Variants in SOX5 observed in about 807,000 individuals in gnomAD.
The protein encoded by SOX5 is transcription factor SOX-5.
Under a neutral mutation model 92.0 loss-of-function variants are expected in SOX5, and 9 were observed. That is an observed-to-expected ratio of 0.10 (90% CI 0.06 to 0.17). The LOEUF is 0.17. Ranked by LOEUF, SOX5 falls within the 10% of genes least tolerant of loss-of-function variation. SOX5 has a pLI of 1.00. For synonymous variants in SOX5, 344 were observed against 336.3 expected (o/e 1.02, Z -0.25); for missense variants, 642 against 944.5 (o/e 0.68, Z 4.20).
intron 2 of SOX5, among the ~76,000 whole-genome samples, chr12:24,349,719 G>A (rs1348668691): frequency 2.6e-5 from 4 of 152,114 alleles, no homozygotes; most frequent in African/African-American, 4.8e-5. Context: ...TTTAGCTATT[G>A]TAAATTATGC....
Position 23,735,638 on chromosome 12 carries a change from T to G in SOX5, c.742-886A>C, listed in dbSNP as rs554709539. Among the ~76,000 whole-genome samples the G allele has an allele frequency of 9.2e-5, 14 of 152,314 alleles. 1 individual carries two copies. The South Asian group carries it at 2.9e-3, about 32-fold the overall frequency. Reference sequence around the variant, plus strand: ...TGTGCTTCTCTAGCCTAGAACTTTGTTTTAAGCATCAGGTCCATTTATTGA... The same window carrying G: ...TGTGCTTCTCTAGCCTAGAACTTTGGTTTAAGCATCAGGTCCATTTATTGA... On this transcript the variant is annotated intron_variant, in intron 5 of 14. Transcript: ENST00000451604.
chr12:24,223,993 G>T (rs1427415128), intron 3 of SOX5, among the ~76,000 whole-genome samples: 1 of 152,156 alleles, frequency 6.6e-6, no homozygotes, highest in Non-Finnish European at 1.5e-5. Flanking sequence ...ATGCAAAGGT[G>T]GTCGCATGAA....
At chr12:23,593,797 A>T (rs1443860555) in intron 9 of SOX5, among the ~76,000 whole-genome samples, 1 of 152,038 alleles carries the variant, frequency 6.6e-6, no homozygotes, top group Non-Finnish European at 1.5e-5. Context: ...TTTATATGAC[A>T]GGAGGTGTGA....
intron 4 of SOX5, among the ~76,000 whole-genome samples, chr12:24,054,667 A>C (rs1216431029): frequency 6.6e-6 from 1 of 152,202 alleles, no homozygotes; most frequent in Admixed American, 6.5e-5. Context: ...GGCAACCAGA[A>C]TTAGAGCAAA....
chr12:24,324,416 C>T (rs962056886), intron 2 of SOX5, among the ~76,000 whole-genome samples: 1 of 151,954 alleles, frequency 6.6e-6, no homozygotes, highest in African/African-American at 2.4e-5. Flanking sequence ...GTCTCTTATT[C>T]GATCTTGAAA....
chr12:24,384,005 C>G (rs570399126), intron 1 of SOX5, among the ~76,000 whole-genome samples: 1 of 152,108 alleles, frequency 6.6e-6, no homozygotes, highest in Non-Finnish European at 1.5e-5. Flanking sequence ...TTATAAGCGG[C>G]TTTTCCCCCT....
At chr12:24,296,520 C>T (rs573683657) in intron 2 of SOX5, among the ~76,000 whole-genome samples, 2 of 152,192 alleles carry the variant, frequency 1.3e-5, no homozygotes, top group South Asian at 2.1e-4. Flanking sequence ...TTTCTCCCTT[C>T]TTGACACAGT....
At chr12:24,508,040 G>A (rs761704572) in intron 1 of SOX5, among the ~76,000 whole-genome samples, 2 of 152,156 alleles carry the variant, frequency 1.3e-5, no homozygotes, top group Non-Finnish European at 2.9e-5. Context: ...CTGAGGGTGG[G>A]TGGAAGGCAA....
chr12:23,681,167 G>A (rs1321607860), intron 6 of SOX5, among the ~76,000 whole-genome samples: 6 of 151,932 alleles, frequency 3.9e-5, no homozygotes, highest in Admixed American at 3.9e-4. Flanking sequence ...GAGTGCTATG[G>A]TTATTTTAAA....
intron 9 of SOX5, among the ~76,000 whole-genome samples, chr12:23,594,152 T>C (rs1241957032): frequency 2.0e-5 from 3 of 152,138 alleles, no homozygotes; most frequent in Non-Finnish European, 4.4e-5. Flanking sequence ...ATCAACTGTA[T>C]GTGTTTTCCT....
chr12:24,475,702 C>A (rs746342585), intron 1 of SOX5, among the ~76,000 whole-genome samples: 3 of 152,158 alleles, frequency 2.0e-5, no homozygotes, highest in Non-Finnish European at 4.4e-5. Flanking sequence ...CAGAAGAGAG[C>A]CAGGTGCAGT....
At chr12:24,245,607 T>TG (rs1229577139) in intron 3 of SOX5, among the ~76,000 whole-genome samples, 1 of 151,980 alleles carries the variant, frequency 6.6e-6, no homozygotes, top group Non-Finnish European at 1.5e-5. Context: ...TTTGCCAGCT[T>TG]GGGGGTAGGG....
At chr12:23,794,810 T>C (rs1392515151) in intron 3 of SOX5, among the ~76,000 whole-genome samples, 1 of 152,160 alleles carries the variant, frequency 6.6e-6, no homozygotes, top group Admixed American at 6.6e-5. Flanking sequence ...GAAAATTTCA[T>C]TTTTATAGTA....
At chr12:23,762,546 G>A (rs919133219) in intron 3 of SOX5, 5 of 527,264 alleles carry the variant, frequency 9.5e-6, no homozygotes, top group East Asian at 6.4e-5. Flanking sequence ...AATACTTTAC[G>A]TTTAGTATTG....
At chr12:23,538,943 G>GGCGCCCGCCACC (rs1387571805) in intron 13 of SOX5, among the ~76,000 whole-genome samples, 3 of 151,588 alleles carry the variant, frequency 2.0e-5, no homozygotes, top group Admixed American at 2.0e-4. Context: ...TGGGACTACA[G>GGCGCCCGCCACC]GCGCCCGCCA....
At chr12:24,324,363 C>G (rs1362371746) in intron 2 of SOX5, among the ~76,000 whole-genome samples, 2 of 152,100 alleles carry the variant, frequency 1.3e-5, no homozygotes, top group Non-Finnish European at 2.9e-5. Context: ...GATTCCAAGA[C>G]AAGCTATCTT....
intron 4 of SOX5, among the ~76,000 whole-genome samples, chr12:23,958,726 A>C (rs1464868173): frequency 1.4e-5 from 1 of 73,756 alleles, no homozygotes; most frequent in African/African-American, 3.3e-5. Flanking sequence ...GGGGATTTTA[A>C]GTAAAAAAAA....
chr12:24,063,947 C>A (rs144594623), intron 4 of SOX5, among the ~76,000 whole-genome samples: 9 of 152,044 alleles, frequency 5.9e-5, no homozygotes, highest in Admixed American at 5.9e-4. Flanking sequence ...TACAAAAGTA[C>A]TTTATAAATA....
chr12:23,866,394 G>C (rs552943423), intron 2 of SOX5, among the ~76,000 whole-genome samples: 1 of 152,108 alleles, frequency 6.6e-6, no homozygotes, highest in African/African-American at 2.4e-5. Context: ...TTAGTAATGC[G>C]AAAGTGCCCA....
Sources: allele counts gnomAD v4.1 joint callset (sites outside exome capture counted in the v4.1 genomes callset), GRCh38; gene constraint gnomAD v4.1.1; transcripts MANE v1.5; gene names NCBI Gene and HGNC (gene_info 2026-07-23, HGNC 2026-07-21).